The following CAMKMT variants were observed in gnomAD, a reference collection of about 807,000 sequenced individuals.
The protein encoded by CAMKMT is calmodulin-lysine N-methyltransferase.
A neutral mutation model predicts 48.0 loss-of-function variants in CAMKMT; 53 were observed. The observed-to-expected ratio is 1.10, with a 90% confidence interval of 0.89 to 1.39. The LOEUF is 1.39. Among genes scored for constraint, CAMKMT ranks in the 40% most tolerant of loss-of-function variants. CAMKMT has a pLI of 0.00. For synonymous variants in CAMKMT, 165 were observed against 152.3 expected (o/e 1.08, Z -0.61); for missense variants, 428 against 402.7 (o/e 1.06, Z -0.54).
At chr2:44,582,259 G>A (rs1024952963) in intron 3 of CAMKMT, among the ~76,000 whole-genome samples, 1 of 152,166 alleles carries the variant, frequency 6.6e-6, no homozygotes, top group Non-Finnish European at 1.5e-5. Flanking sequence ...GAACTTGACA[G>A]TGTTCACAGT....
intron 3 of CAMKMT, among the ~76,000 whole-genome samples, chr2:44,668,246 T>C (rs945665224): frequency 1.3e-5 from 2 of 152,204 alleles, no homozygotes; most frequent in African/African-American, 4.8e-5. Flanking sequence ...GAGCCACCTG[T>C]CCACCTGTGT....
At chr2:44,565,418 C>G (rs945950793) in intron 3 of CAMKMT, among the ~76,000 whole-genome samples, 2 of 152,120 alleles carry the variant, frequency 1.3e-5, no homozygotes, top group African/African-American at 4.8e-5. Context: ...TCCATCTCTC[C>G]TTTTGAAAAA....
At chr2:44,585,664 TA>T (rs144090143) in intron 3 of CAMKMT, among the ~76,000 whole-genome samples, 1 of 152,342 alleles carries the variant, frequency 6.6e-6, no homozygotes, top group African/African-American at 2.4e-5. Flanking sequence ...TCTTAAACCA[TA>T]AAAGTGACAA....
At chr2:44,759,332 G>C (rs1225981873) in intron 9 of CAMKMT, among the ~76,000 whole-genome samples, 1 of 152,136 alleles carries the variant, frequency 6.6e-6, no homozygotes, top group East Asian at 1.9e-4. Flanking sequence ...TGTTGCCCAG[G>C]CTGGTCTTGA....
intron 3 of CAMKMT, among the ~76,000 whole-genome samples, chr2:44,616,432 A>C (rs1211207030): frequency 6.6e-6 from 1 of 152,196 alleles, no homozygotes; most frequent in Non-Finnish European, 1.5e-5. Context: ...TAATTTTAAT[A>C]TTCCAAAACC....
intron 9 of CAMKMT, among the ~76,000 whole-genome samples, chr2:44,761,075 G>T (rs769243243): frequency 2.6e-5 from 4 of 152,202 alleles, no homozygotes; most frequent in Non-Finnish European, 5.9e-5. Context: ...CACAGCAGAG[G>T]TGTGGGCAAC....
At chr2:44,557,088 A>G (rs1318802499) in intron 3 of CAMKMT, among the ~76,000 whole-genome samples, 1 of 152,178 alleles carries the variant, frequency 6.6e-6, no homozygotes, top group Non-Finnish European at 1.5e-5. Context: ...TGCCTTGTTT[A>G]TTAACTTTTC....
chr2:44,673,371 A>G (rs1675443658), intron 3 of CAMKMT, among the ~76,000 whole-genome samples: 1 of 151,030 alleles, frequency 6.6e-6, no homozygotes, highest in Non-Finnish European at 1.5e-5. Flanking sequence ...AGGCTGCAGT[A>G]AGCCATGATT....
Position 44,461,315 on chromosome 2 carries a change from C to G in CAMKMT, c.376+71010C>G, listed in dbSNP as rs1667837776. On this transcript the variant is annotated intron_variant, in intron 3 of 10. Transcript: ENST00000378494. ...TAATATGTGCTGGCTCTCTTCTAAGCAGTTTACTCATTAAATATCTCATTA... is the reference window on the plus strand; with the variant it reads ...TAATATGTGCTGGCTCTCTTCTAAGGAGTTTACTCATTAAATATCTCATTA... Among the ~76,000 whole-genome samples, 4 of 152,066 alleles carry G rather than the reference C, an allele frequency of 2.6e-5. No individual in the cohort carries two copies. In the South Asian group the frequency reaches 8.3e-4, roughly 32 times the overall value.
intron 3 of CAMKMT, among the ~76,000 whole-genome samples, chr2:44,604,859 G>T (rs904603606): frequency 4.6e-5 from 7 of 152,018 alleles, no homozygotes; most frequent in Admixed American, 2.0e-4. Context: ...TCCCACTATG[G>T]TCTCAGAGTC....
intron 3 of CAMKMT, among the ~76,000 whole-genome samples, chr2:44,564,695 C>T (rs895536022): frequency 1.3e-4 from 20 of 152,102 alleles, no homozygotes; most frequent in African/African-American, 4.6e-4. Context: ...CATGTGCCAC[C>T]ATGCCCAGCT....
At chr2:44,708,395 A>G (rs1404296993) in intron 6 of CAMKMT, among the ~76,000 whole-genome samples, 1 of 151,794 alleles carries the variant, frequency 6.6e-6, no homozygotes, top group African/African-American at 2.4e-5. Flanking sequence ...CAAAATATGC[A>G]GCAGCTTCAT....
At chr2:44,430,307 G>C (rs1452973469) in intron 3 of CAMKMT, among the ~76,000 whole-genome samples, 1 of 151,734 alleles carries the variant, frequency 6.6e-6, no homozygotes, top group Non-Finnish European at 1.5e-5. Flanking sequence ...TCACCAAATT[G>C]CAAACTGGAG....
intron 4 of CAMKMT, among the ~76,000 whole-genome samples, chr2:44,706,043 C>T (rs577780860): frequency 2.0e-5 from 3 of 152,144 alleles, no homozygotes; most frequent in Admixed American, 2.0e-4. Context: ...TTCAGCTCAG[C>T]GGTGGTAATG....
chr2:44,429,490 G>A (rs1255553221), intron 3 of CAMKMT, among the ~76,000 whole-genome samples: 1 of 152,024 alleles, frequency 6.6e-6, no homozygotes, highest in Non-Finnish European at 1.5e-5. Flanking sequence ...TTAACATAAT[G>A]GAGCTACTAA....
At chr2:44,459,501 A>G (rs1017967431) in intron 3 of CAMKMT, among the ~76,000 whole-genome samples, 2 of 152,198 alleles carry the variant, frequency 1.3e-5, no homozygotes, top group African/African-American at 4.8e-5. Context: ...CTGTATTTTA[A>G]AAGAGAAAGG....
At chr2:44,660,070 C>T (rs1299712857) in intron 3 of CAMKMT, among the ~76,000 whole-genome samples, 1 of 152,096 alleles carries the variant, frequency 6.6e-6, no homozygotes. Flanking sequence ...TAACATTAAA[C>T]TCATTATGTC....
chr2:44,460,168 A>G (rs1385802728), intron 3 of CAMKMT, among the ~76,000 whole-genome samples: 2 of 152,236 alleles, frequency 1.3e-5, no homozygotes, highest in African/African-American at 2.4e-5. Flanking sequence ...GCATAATCAA[A>G]GCTTCTCATT....
chr2:44,584,219 A>G (rs1487614399), intron 3 of CAMKMT, among the ~76,000 whole-genome samples: 1 of 152,146 alleles, frequency 6.6e-6, no homozygotes, highest in Non-Finnish European at 1.5e-5. Flanking sequence ...ACTGATTAGC[A>G]TTTTATTTTA....
Sources: allele counts gnomAD v4.1 joint callset (sites outside exome capture counted in the v4.1 genomes callset), GRCh38; gene constraint gnomAD v4.1.1; transcripts MANE v1.5; gene names NCBI Gene and HGNC (gene_info 2026-07-23, HGNC 2026-07-21).